The following LSAMP variants were observed in gnomAD, a reference collection of about 807,000 sequenced individuals.
The protein encoded by LSAMP is limbic system-associated membrane protein.
LSAMP carries 7 observed loss-of-function variants against 38.6 expected under a neutral mutation model. The ratio of observed to expected loss-of-function variants is 0.18; its 90% CI spans 0.10 to 0.34. LSAMP has a LOEUF of 0.34. Among genes scored for constraint, LSAMP ranks in the 10% least tolerant of loss-of-function variants. The pLI is 1.00. For missense variants in LSAMP, 313 were observed against 420.0 expected, an observed-to-expected ratio of 0.75 and a Z score of 2.23; for synonymous variants, 154 against 166.8, an observed-to-expected ratio of 0.92 and a Z score of 0.59.
intron 3 of LSAMP, among the ~76,000 whole-genome samples, chr3:115,876,788 G>A (rs766684061): frequency 2.6e-5 from 4 of 151,986 alleles, no homozygotes; most frequent in Non-Finnish European, 5.9e-5. Flanking sequence ...ATACATGTGT[G>A]AGGAAAAATA....
chr3:116,224,309 C>A (rs1400794031), intron 1 of LSAMP, among the ~76,000 whole-genome samples: 2 of 152,172 alleles, frequency 1.3e-5, no homozygotes, highest in African/African-American at 2.4e-5. Context: ...TACAAGATTT[C>A]TTTACTCAGT....
chr3:116,243,594 T>A (rs2107640721), intron 1 of LSAMP, among the ~76,000 whole-genome samples: 1 of 152,348 alleles, frequency 6.6e-6, no homozygotes, highest in Non-Finnish European at 1.5e-5. Flanking sequence ...CTTTGAATCA[T>A]CTACCCTGAA....
intron 1 of LSAMP, among the ~76,000 whole-genome samples, chr3:116,229,633 A>C (rs1436515016): frequency 1.3e-5 from 2 of 152,166 alleles, no homozygotes; most frequent in Non-Finnish European, 2.9e-5. Flanking sequence ...CACTTTCAAA[A>C]ATAAAAATAG....
At chr3:116,245,282 G>C (rs1371778075) in intron 1 of LSAMP, among the ~76,000 whole-genome samples, 2 of 152,100 alleles carry the variant, frequency 1.3e-5, no homozygotes, top group Non-Finnish European at 2.9e-5. Context: ...CTTGAACTTG[G>C]ACTTTTAGGC....
At chr3:116,269,048 G>A (rs1448363403) in intron 1 of LSAMP, among the ~76,000 whole-genome samples, 4 of 151,992 alleles carry the variant, frequency 2.6e-5, no homozygotes, top group Admixed American at 6.6e-5. Context: ...AACTCAGAAA[G>A]CTGCTGTATA....
At chr3:116,239,609 T>G (rs987796665) in intron 1 of LSAMP, among the ~76,000 whole-genome samples, 1 of 152,150 alleles carries the variant, frequency 6.6e-6, no homozygotes, top group Non-Finnish European at 1.5e-5. Context: ...GCATGGAAGA[T>G]AAATTAACTT....
intron 1 of LSAMP, among the ~76,000 whole-genome samples, chr3:116,411,106 C>T (rs1454301746): frequency 2.6e-5 from 4 of 152,030 alleles, no homozygotes; most frequent in African/African-American, 9.7e-5. Context: ...GAATGGCAAT[C>T]ATTAAAAAGT....
intron 1 of LSAMP, among the ~76,000 whole-genome samples, chr3:116,214,680 T>G (rs2046200001): frequency 6.6e-6 from 1 of 151,908 alleles, no homozygotes; most frequent in Non-Finnish European, 1.5e-5. Flanking sequence ...TTTTTGTATT[T>G]TTAGGAGAGA....
At chr3:115,941,710 T>C (rs1937927103) in intron 3 of LSAMP, among the ~76,000 whole-genome samples, 1 of 152,006 alleles carries the variant, frequency 6.6e-6, no homozygotes, top group African/African-American at 2.4e-5. Flanking sequence ...GAAAGACAAA[T>C]ACTGTACGTT....
At chr3:116,344,009 T>C (rs944909740) in intron 1 of LSAMP, among the ~76,000 whole-genome samples, 8 of 152,088 alleles carry the variant, frequency 5.3e-5, no homozygotes, top group Non-Finnish European at 5.9e-5. Context: ...GTAATATTCA[T>C]GGAAAAAGAA....
intron 1 of LSAMP, among the ~76,000 whole-genome samples, chr3:116,428,392 C>T (rs1034295011): frequency 7.2e-5 from 11 of 151,956 alleles, no homozygotes; most frequent in Non-Finnish European, 1.0e-4. Context: ...TGGGAGGGGG[C>T]GGTTGCAGTA....
intron 1 of LSAMP, among the ~76,000 whole-genome samples, chr3:116,113,908 G>GA (rs1318927133): frequency 2.0e-5 from 3 of 152,304 alleles, no homozygotes; most frequent in African/African-American, 7.2e-5. Flanking sequence ...GAGCAATGAG[G>GA]AGAGTCTCAG....
intron 3 of LSAMP, among the ~76,000 whole-genome samples, chr3:115,938,156 C>G (rs1455359802): frequency 6.6e-6 from 1 of 151,996 alleles, no homozygotes; most frequent in Non-Finnish European, 1.5e-5. Flanking sequence ...TCACTGCATT[C>G]AAAAAAGTCC....
intron 1 of LSAMP, among the ~76,000 whole-genome samples, chr3:116,286,588 G>A (rs889898482): frequency 2.0e-5 from 3 of 151,988 alleles, no homozygotes; most frequent in Non-Finnish European, 4.4e-5. Context: ...CCCTCCTCCA[G>A]CTTTTTATCC....
intron 6 of LSAMP, among the ~76,000 whole-genome samples, chr3:115,816,228 A>G (rs76279090): frequency 1.7e-4 from 26 of 152,280 alleles, no homozygotes; most frequent in Non-Finnish European, 2.4e-4. Flanking sequence ...TATGAAGCCA[A>G]CAAGTGAATG....
Position 116,034,545 on chromosome 3 carries a change from T to C in LSAMP, c.389-14905A>G, listed in dbSNP as rs75938684. Among the ~76,000 whole-genome samples the C allele has an allele frequency of 4.6e-3, 698 of 152,266 alleles. 6 individuals are homozygous for C. Among genetic ancestry groups the C allele is most frequent in the African/African-American group, 0.016 (679 of 41,568 alleles). ...AGAAAGCACAGTGCCTAGTTTGATA[T>C]GGCTTTTCATTAGCTGTGTGATAAG... On this transcript the variant is annotated intron_variant, in intron 2 of 6. Transcript: ENST00000490035.
At chr3:116,031,288 A>G (rs1318711607) in intron 2 of LSAMP, among the ~76,000 whole-genome samples, 12 of 152,076 alleles carry the variant, frequency 7.9e-5, no homozygotes, top group Admixed American at 3.3e-4. Flanking sequence ...GGCATGAGAA[A>G]AGGTGATGAG....
chr3:116,016,327 G>A (rs1479503112), intron 3 of LSAMP, among the ~76,000 whole-genome samples: 2 of 152,162 alleles, frequency 1.3e-5, no homozygotes, highest in African/African-American at 4.8e-5. Context: ...TGAAAGAGGA[G>A]GCATGGGAAT....
At chr3:115,903,495 GT>G (rs1936931817) in intron 3 of LSAMP, among the ~76,000 whole-genome samples, 1 of 151,868 alleles carries the variant, frequency 6.6e-6, no homozygotes, top group African/African-American at 2.4e-5. Context: ...TAAAATAAAA[GT>G]TTCAAAAAAA....
Sources: allele counts gnomAD v4.1 joint callset (sites outside exome capture counted in the v4.1 genomes callset), GRCh38; gene constraint gnomAD v4.1.1; transcripts MANE v1.5; gene names NCBI Gene and HGNC (gene_info 2026-07-23, HGNC 2026-07-21).